ARL15: variants seen among roughly 807,000 people sequenced by gnomAD.
ARL15 encodes the protein ADP-ribosylation factor-like protein 15.
In ARL15, 19 loss-of-function variants were observed where a neutral mutation model predicts 25.2. That is an observed-to-expected ratio of 0.75 (90% confidence interval 0.53 to 1.10). The LOEUF (loss-of-function observed/expected upper bound fraction) is 1.10. Among genes scored for constraint, ARL15 ranks in the 50% least tolerant of loss-of-function variants. The pLI is 0.00. For missense variants in ARL15, 220 were observed against 246.0 expected (o/e 0.89, Z 0.71); for synonymous variants, 94 against 86.8 (o/e 1.08, Z -0.46).
intron 1 of ARL15, among the ~76,000 whole-genome samples, chr5:54,246,971 G>A (rs996634483): frequency 2.6e-5 from 4 of 152,096 alleles, no homozygotes; most frequent in Non-Finnish European, 5.9e-5. Context: ...AAAAGGTTGA[G>A]AAATGCTACA....
At chr5:54,066,807 G>A (rs1751247934) in intron 4 of ARL15, among the ~76,000 whole-genome samples, 2 of 152,020 alleles carry the variant, frequency 1.3e-5, no homozygotes, top group Admixed American at 1.3e-4. Flanking sequence ...ATGTTAAATT[G>A]TCTTACTATA....
chr5:54,310,167 C>G, intron 1 of ARL15: 1 of 426,466 alleles, frequency 2.3e-6, no homozygotes, highest in Admixed American at 4.0e-5. Flanking sequence ...GCGGCCGCCC[C>G]ATCTCTCAAG....
At chr5:54,081,718 C>T (rs1751803498) in intron 4 of ARL15, among the ~76,000 whole-genome samples, 2 of 152,146 alleles carry the variant, frequency 1.3e-5, no homozygotes, top group African/African-American at 4.8e-5. Flanking sequence ...TTCCTGAGGC[C>T]TCCCCAACTA....
At chr5:53,977,339 A>T (rs1194877513) in intron 4 of ARL15, among the ~76,000 whole-genome samples, 3 of 137,842 alleles carry the variant, frequency 2.2e-5, no homozygotes, top group Non-Finnish European at 3.0e-5. Flanking sequence ...TGAGCAACAG[A>T]GTGAGACTCC....
At chr5:54,188,777 G>T (rs567004144) in intron 1 of ARL15, among the ~76,000 whole-genome samples, 29 of 152,238 alleles carry the variant, frequency 1.9e-4, no homozygotes, top group Admixed American at 1.2e-3. Flanking sequence ...TTCCAGTAGG[G>T]CAGAGAATAA....
At chr5:54,238,707 T>C (rs920704787) in intron 1 of ARL15, among the ~76,000 whole-genome samples, 2 of 152,180 alleles carry the variant, frequency 1.3e-5, no homozygotes, top group Admixed American at 6.5e-5. Flanking sequence ...GAAAAGTGTT[T>C]TCCAAATCAC....
At chr5:54,266,505 C>T (rs1292758974) in intron 1 of ARL15, among the ~76,000 whole-genome samples, 1 of 152,100 alleles carries the variant, frequency 6.6e-6, no homozygotes. Context: ...TCCCAGAAAC[C>T]GGAAAAATCT....
chr5:54,114,406 G>GAAA lies in ARL15; in HGVS notation c.254-999_254-997dup, dbSNP rs1171369744. ...GCAACACAGCAAGGCTCCATCTCAA[G>GAAA]AAAAAAAAAAAAAAAAGCAACACCA... On this transcript the variant is annotated intron_variant, in intron 3 of 4. Transcript: ENST00000504924. Among the ~76,000 whole-genome samples, 46 of 74,478 alleles carry GAAA rather than the reference G, an allele frequency of 6.2e-4. 3 individuals are homozygous for GAAA. The highest frequency in any genetic ancestry group is 2.8e-3 in the South Asian group (4 of 1,404). 48.9% of individuals were successfully genotyped at this position (74,478 alleles called of 152,430 possible). A position where few individuals can be genotyped will look rare whatever the true frequency, so the allele number is the denominator to read the frequency against.
chr5:54,132,728 T>C (rs535507960), intron 3 of ARL15, among the ~76,000 whole-genome samples: 1 of 152,306 alleles, frequency 6.6e-6, no homozygotes. Flanking sequence ...TTTTAGACCA[T>C]ATAGGGTAAC....
At chr5:54,184,223 C>A in intron 1 of ARL15, among the ~76,000 whole-genome samples, 1 of 113,350 alleles carries the variant, frequency 8.8e-6, no homozygotes, top group African/African-American at 3.4e-5. Context: ...ACAATGTGCA[C>A]ATGTACCCTA....
At chr5:54,223,258 A>T (rs74596086) in intron 1 of ARL15, among the ~76,000 whole-genome samples, 6,017 of 152,168 alleles carry the variant, frequency 0.04, 181 homozygotes, top group Non-Finnish European at 0.06. Context: ...TACATCATGT[A>T]AAAAAATTAT....
At position 53,884,702 on chromosome 5, in the gene ARL15, T is replaced by C. The variant is rs1744462584; in HGVS notation, c.*1859A>G. 1 of 152,250 alleles carries C rather than the reference T, an allele frequency of 6.6e-6. No individual in the cohort carries two copies. Among genetic ancestry groups the C allele is most frequent in the African/African-American group, 2.4e-5 (1 of 41,388 alleles). 9.4% of individuals were successfully genotyped at this position (152,250 alleles called of 1,614,324 possible). On this transcript the variant is annotated 3_prime_UTR_variant, in exon 5 of 5. Coordinates refer to ENST00000504924, the MANE Select transcript of ARL15 (RefSeq NM_019087.3). The stretch of plus-strand genomic sequence containing the variant: ...CACACGCAGACCACGGGAAGTCATT[T>C]AACAGATGGCTTAGGAGCACTCAGC...
intron 4 of ARL15, among the ~76,000 whole-genome samples, chr5:53,905,063 A>G (rs1745206043): frequency 6.6e-6 from 1 of 152,128 alleles, no homozygotes; most frequent in African/African-American, 2.4e-5. Context: ...TTCAACTACC[A>G]GTTCAGACCA....
At chr5:54,207,775 C>T (rs1163426620) in intron 1 of ARL15, among the ~76,000 whole-genome samples, 2 of 152,082 alleles carry the variant, frequency 1.3e-5, no homozygotes, top group Non-Finnish European at 2.9e-5. Flanking sequence ...ATCCAAGATC[C>T]CTTATAAATG....
intron 4 of ARL15, among the ~76,000 whole-genome samples, chr5:54,089,337 C>T (rs137926380): frequency 1.3e-5 from 2 of 152,282 alleles, no homozygotes; most frequent in African/African-American, 2.4e-5. Context: ...GTAGCCATCA[C>T]ATCTAATACT....
intron 3 of ARL15, among the ~76,000 whole-genome samples, chr5:54,121,291 C>G (rs1281813817): frequency 6.6e-6 from 1 of 152,006 alleles, no homozygotes; most frequent in East Asian, 1.9e-4. Context: ...CTATGACATT[C>G]TTTTTGGAAA....
At chr5:54,257,685 G>A (rs1288827447) in intron 1 of ARL15, among the ~76,000 whole-genome samples, 1 of 152,114 alleles carries the variant, frequency 6.6e-6, no homozygotes, top group Non-Finnish European at 1.5e-5. Context: ...AAAACTTTTG[G>A]TAAGAAATAA....
rs187118884 is a variant in ARL15 at position 54,095,739 on chromosome 5, T to C, written c.462+17463A>G. 1.0e-3 allele frequency among the ~76,000 whole-genome samples: 152 copies of C among 152,156 alleles called. 1 individual carries two copies. Among genetic ancestry groups the C allele is most frequent in the African/African-American group, 3.3e-3 (139 of 41,500 alleles). On this transcript the variant is annotated intron_variant, in intron 4 of 4. Coordinates refer to ENST00000504924, the MANE Select transcript of ARL15 (RefSeq NM_019087.3). ...GCTTAGTTTCTTCAATATATTACTCTCATTTCAATTGAGCTCATTTGTAAA... is the reference window on the plus strand; with the variant it reads ...GCTTAGTTTCTTCAATATATTACTCCCATTTCAATTGAGCTCATTTGTAAA...
At chr5:54,044,911 T>C (rs1349048821) in intron 4 of ARL15, among the ~76,000 whole-genome samples, 1 of 152,236 alleles carries the variant, frequency 6.6e-6, no homozygotes, top group Non-Finnish European at 1.5e-5. Flanking sequence ...GATTTCCCTA[T>C]TGGTTTTGTT....
Sources: allele counts gnomAD v4.1 joint callset (sites outside exome capture counted in the v4.1 genomes callset), GRCh38; gene constraint gnomAD v4.1.1; transcripts MANE v1.5; gene names NCBI Gene and HGNC (gene_info 2026-07-23, HGNC 2026-07-21).